PARVB: variants seen among roughly 807,000 people sequenced by gnomAD.
The protein encoded by PARVB is parvin beta, also known as beta-parvin.
Under a neutral mutation model 47.0 loss-of-function variants are expected in PARVB, and 46 were observed. The ratio of observed to expected loss-of-function variants is 0.98; its 90% CI spans 0.77 to 1.25. The LOEUF is 1.25. Among genes scored for constraint, PARVB ranks in the 50% most tolerant of loss-of-function variants. The probability of loss-of-function intolerance (pLI) is 0.00; values close to 1 mark genes in which losing one functional copy is unlikely to be tolerated. For synonymous variants in PARVB, 196 were observed against 196.3 expected (o/e 1.00, Z 0.01); for missense variants, 473 against 471.6 (o/e 1.00, Z -0.03).
In PARVB at chr22:44,093,778, C is replaced by T. The variant is rs985296121; in HGVS notation, c.113-150C>T. The T allele has an allele frequency of 6.8e-6, 4 of 585,124 alleles. No homozygotes were observed. The African/African-American group carries it at 7.6e-5, about 11-fold the overall frequency. The allele number at this position is 585,124 out of a possible 1,614,324, so 36.2% of individuals were successfully genotyped here. A position where few individuals can be genotyped will look rare whatever the true frequency, so the allele number is the denominator to read the frequency against. On this transcript the variant is annotated intron_variant, in intron 1 of 12. Transcript: ENST00000338758. Reference sequence around the variant, plus strand: ...TTCTTGGTTCAGAGCATTTTTCCCTCTGACTCTTTCTGGGCAACAGACCTT... The same window carrying T: ...TTCTTGGTTCAGAGCATTTTTCCCTTTGACTCTTTCTGGGCAACAGACCTT...
At chr22:44,085,515 G>A (rs573613660) in intron 1 of PARVB, among the ~76,000 whole-genome samples, 60 of 151,806 alleles carry the variant, frequency 4.0e-4, no homozygotes, top group Non-Finnish European at 6.0e-4. Context: ...TTGTTGCCCC[G>A]CTGGTCTCGA....
chr22:44,045,930 C>A (rs976380617), intron 1 of PARVB, among the ~76,000 whole-genome samples: 2 of 152,082 alleles, frequency 1.3e-5, no homozygotes, highest in Admixed American at 6.6e-5. Flanking sequence ...AGTTTTAGGG[C>A]GTGATTTTCT....
chr22:44,064,442 A>G (rs2051480574), intron 1 of PARVB, among the ~76,000 whole-genome samples: 1 of 152,196 alleles, frequency 6.6e-6, no homozygotes, highest in African/African-American at 2.4e-5. Flanking sequence ...GGCTGGGGTC[A>G]GTGTTCAAGT....
chr22:44,128,716 C>A (rs1427505398), intron 4 of PARVB, among the ~76,000 whole-genome samples: 1 of 152,220 alleles, frequency 6.6e-6, no homozygotes, highest in Non-Finnish European at 1.5e-5. Flanking sequence ...GGTAGCCTGG[C>A]AGCCTCCCAC....
At chr22:44,018,348 G>C (rs973616936) in intron 2 of PARVB, among the ~76,000 whole-genome samples, 1 of 152,286 alleles carries the variant, frequency 6.6e-6, no homozygotes, top group Non-Finnish European at 1.5e-5. Flanking sequence ...GTTGCAGTGA[G>C]CTGAGGTCTT....
At chr22:44,116,598 G>T (rs976447552) in intron 3 of PARVB, among the ~76,000 whole-genome samples, 1 of 152,220 alleles carries the variant, frequency 6.6e-6, no homozygotes, top group South Asian at 2.1e-4. Flanking sequence ...AAGTGCTGGT[G>T]CTGCGGACAG....
Position 44,081,676 on chromosome 22 carries a change from G to T in PARVB, c.113-12252G>T, listed in dbSNP as rs16991424. The T allele has an allele frequency of 0.011, 10,685 of 961,764 alleles. 934 individuals carry two copies. The African/African-American group carries it at 0.17, about 16-fold the overall frequency. The allele number at this position is 961,764 out of a possible 1,614,324, so 59.6% of individuals were successfully genotyped here. On this transcript the variant is annotated intron_variant, in intron 1 of 12. Coordinates refer to ENST00000338758, the MANE Select transcript of PARVB (RefSeq NM_013327.5). ...TCATGGGGCTCGTCTGTTGCTGGAA[G>T]TGAGCAGCGGGTTCCATTGCCCCCC...
rs989388800 is a variant in PARVB at position 44,024,449 on chromosome 22, A to G, written c.110A>G (p.Glu37Gly). The change falls in exon 1 of 13, where the codon GAG (glutamate) becomes GGG (glycine). Residue 37 changes from glutamate to glycine, a missense_variant and splice_region_variant. Glu to Gly is a moderately conservative substitution (Grantham distance 98). Transcript: ENST00000338758. ...CTGGCCAGGAAGCGGAGGGCGCGCG[A>G]GGGTGAGTGCGCGCCCGCGCCCGCC... ...GTLARKRRAR[E>G]VSDLQEEGKN... 4.4e-6 allele frequency: 5 copies of G among 1,144,708 alleles called. No homozygotes were observed. In the African/African-American group the frequency reaches 8.4e-5, roughly 19 times the overall value. 70.9% of individuals were successfully genotyped at this position (1,144,708 alleles called of 1,614,324 possible). A position where few individuals can be genotyped will look rare whatever the true frequency, so the allele number is the denominator to read the frequency against.
Position 44,132,856 on chromosome 22 carries a change from CT to C in PARVB, c.518-37del, listed in dbSNP as rs776799878. 1.9e-5 allele frequency: 27 copies of C among 1,443,810 alleles called. 1 individual carries two copies. The African/African-American group carries it at 3.5e-4, about 19-fold the overall frequency. The allele number at this position is 1,443,810 out of a possible 1,614,324, so 89.4% of individuals were successfully genotyped here. A position where few individuals can be genotyped will look rare whatever the true frequency, so the allele number is the denominator to read the frequency against. ...ACGTGGGCTCAGGTTCCTGTGTAAC[CT>C]GATCTAAAGCGTCTCCCTTCCTCCT... On this transcript the variant is annotated intron_variant, in intron 5 of 12. Transcript: ENST00000338758.
chr22:44,131,705 C>T, intron 5 of PARVB, 78 bp downstream of exon 5: 1 of 1,446,464 alleles, frequency 6.9e-7, no homozygotes. Flanking sequence ...CATTTGTCAT[C>T]CACATTCATC....
chr22:44,170,583 C>T lies in PARVB; in HGVS notation c.*1905C>T, dbSNP rs1421373495. ...CTCACTCAGTTATGGGTTGTTCACC[C>T]CCTCGCTCACCCCAGCTCTGCAGAG... is the stretch of plus-strand genomic sequence containing the variant. On this transcript the variant is annotated 3_prime_UTR_variant, in exon 13 of 13. Transcript: ENST00000338758. The T allele has an allele frequency of 1.3e-5, 2 of 152,144 alleles. No individual in the cohort carries two copies. Among genetic ancestry groups the T allele is most frequent in the African/African-American group, 2.4e-5 (1 of 41,412 alleles). 9.4% of individuals were successfully genotyped at this position (152,144 alleles called of 1,614,324 possible).
At chr22:44,074,435 C>T (rs931911024) in intron 1 of PARVB, among the ~76,000 whole-genome samples, 3 of 152,180 alleles carry the variant, frequency 2.0e-5, no homozygotes, top group African/African-American at 7.2e-5. Flanking sequence ...TGCATGGCCC[C>T]GCTGTCACTG....
chr22:44,089,550 A>G lies in PARVB; in HGVS notation c.113-4378A>G, dbSNP rs2052113249. 3 of 151,576 alleles carry G rather than the reference A, an allele frequency of 2.0e-5. No homozygotes were observed. The highest frequency in any genetic ancestry group is 6.6e-5 in the Admixed American group (1 of 15,224). 9.4% of individuals were successfully genotyped at this position (151,576 alleles called of 1,614,324 possible). ...TTGTCTTTCTGGCAAGTAGACCGGT[A>G]CTTTAAAAACCAAAACATTCCTGGG... is the stretch of plus-strand genomic sequence containing the variant. On this transcript the variant is annotated intron_variant, in intron 1 of 12. Coordinates refer to ENST00000338758, the MANE Select transcript of PARVB (RefSeq NM_013327.5). The surrounding 1 kb of genome is among the most constrained non-coding windows in gnomAD (Gnocchi z 4.0).
intron 3 of PARVB, among the ~76,000 whole-genome samples, chr22:44,117,114 C>T (rs1029590758): frequency 1.3e-5 from 2 of 152,014 alleles, no homozygotes; most frequent in East Asian, 3.9e-4. Context: ...GAGATGCTCA[C>T]GGAACCCCCT....
intron 1 of PARVB, among the ~76,000 whole-genome samples, chr22:44,058,280 G>A (rs896512576): frequency 6.6e-6 from 1 of 152,046 alleles, no homozygotes; most frequent in East Asian, 1.9e-4. Flanking sequence ...CTTGGCTTCT[G>A]GGGACGGTGG....
In PARVB at chr22:44,080,356, G is replaced by A. The variant is rs551907623; in HGVS notation, c.113-13572G>A. Among the ~76,000 whole-genome samples the A allele has an allele frequency of 1.6e-4, 25 of 152,312 alleles. 1 individual carries two copies. The highest frequency in any genetic ancestry group is 1.3e-3 in the Admixed American group (20 of 15,298). On this transcript the variant is annotated intron_variant, in intron 1 of 12. Coordinates refer to ENST00000338758, the MANE Select transcript of PARVB (RefSeq NM_013327.5). ...GGTGGCAGCAGGGCCGGTTCCTTCCGGAGGCTCCAGGGGAGAATCCCATTC... is the reference window on the plus strand; with the variant it reads ...GGTGGCAGCAGGGCCGGTTCCTTCCAGAGGCTCCAGGGGAGAATCCCATTC...
Position 44,082,455 on chromosome 22 carries a change from G to T in PARVB, c.113-11473G>T, listed in dbSNP as rs945745850. On this transcript the variant is annotated intron_variant, in intron 1 of 12. Coordinates refer to ENST00000338758, the MANE Select transcript of PARVB (RefSeq NM_013327.5). ...AATCGCTTGAATCTGGGAGGTGGAG[G>T]TTGCAGTGAGCCAAGATCGAGCCAC... Among the ~76,000 whole-genome samples, 8 of 152,238 alleles carry T rather than the reference G, an allele frequency of 5.3e-5. No homozygotes were observed. In the East Asian group the frequency reaches 1.5e-3, roughly 29 times the overall value.
intron 3 of PARVB, chr22:44,110,355 A>G (rs1376576798): frequency 6.6e-6 from 1 of 152,022 alleles, no homozygotes; most frequent in Non-Finnish European, 1.5e-5. Context: ...TTTTCTCCCG[A>G]CTGAATTGTC....
At chr22:44,129,344 C>A (rs2053259530) in intron 4 of PARVB, among the ~76,000 whole-genome samples, 1 of 152,184 alleles carries the variant, frequency 6.6e-6, no homozygotes, top group African/African-American at 2.4e-5. Context: ...GTTGTTTAAG[C>A]CGCACGGTGT....
Sources: gnomAD v4.1 joint callset for allele counts (sites outside exome capture counted in the v4.1 genomes callset) on GRCh38, gnomAD v4.1.1 for gene constraint, Gnocchi (gnomAD v3.1) non-coding constraint, MANE v1.5 for transcripts, NCBI Gene and HGNC (gene_info 2026-07-23, HGNC 2026-07-21) for gene names.